RAB5A: variants seen among roughly 807,000 people sequenced by gnomAD.
RAB5A encodes the protein RAB5A, member RAS oncogene family.
In RAB5A, 8 loss-of-function variants were observed where a neutral mutation model predicts 25.7. The observed-to-expected ratio is 0.31, with a 90% CI of 0.18 to 0.56. The LOEUF (loss-of-function observed/expected upper bound fraction) is 0.56. Ranked by LOEUF, RAB5A falls within the 20% of genes least tolerant of loss-of-function variation. RAB5A has a pLI of 0.91. For synonymous variants in RAB5A, 98 were observed against 89.8 expected (o/e 1.09, Z -0.52); for missense variants, 192 against 259.7 (o/e 0.74, Z 1.79).
At chr3:19,948,561 A>C (rs1696369281) in intron 1 of RAB5A, among the ~76,000 whole-genome samples, 1 of 152,258 alleles carries the variant, frequency 6.6e-6, no homozygotes, top group South Asian at 2.1e-4. Flanking sequence ...CTTGTTTTGC[A>C]AAACAGAAGT....
At chr3:19,968,454 A>G (rs1332738750) in intron 2 of RAB5A, among the ~76,000 whole-genome samples, 2 of 152,008 alleles carry the variant, frequency 1.3e-5, no homozygotes, top group Admixed American at 6.6e-5. Flanking sequence ...TTCTTTCCCC[A>G]CAAGTTACTT....
chr3:19,953,038 A>T (rs2125178724), intron 2 of RAB5A, among the ~76,000 whole-genome samples: 1 of 152,140 alleles, frequency 6.6e-6, no homozygotes, highest in East Asian at 1.9e-4. Flanking sequence ...ACTATATGCT[A>T]CTCTTCTCCT....
chr3:19,951,865 A>AG (rs1465269835), intron 2 of RAB5A, among the ~76,000 whole-genome samples: 1 of 152,002 alleles, frequency 6.6e-6, no homozygotes, highest in East Asian at 1.9e-4. Flanking sequence ...CTGAGGGAAG[A>AG]GAAAAAGTGA....
intron 5 of RAB5A, among the ~76,000 whole-genome samples, chr3:19,980,333 A>G (rs537855163): frequency 1.3e-5 from 2 of 152,310 alleles, no homozygotes; most frequent in East Asian, 1.9e-4. Flanking sequence ...AAAGCAGCCT[A>G]CATATTTTAG....
chr3:19,960,361 C>T (rs536481011), intron 2 of RAB5A, among the ~76,000 whole-genome samples: 4 of 151,990 alleles, frequency 2.6e-5, no homozygotes, highest in Non-Finnish European at 4.4e-5. Context: ...AGTGCAGTGG[C>T]ATGATCATGG....
intron 2 of RAB5A, among the ~76,000 whole-genome samples, chr3:19,973,419 G>GA (rs1345563689): frequency 7.2e-6 from 1 of 139,090 alleles, no homozygotes; most frequent in South Asian, 2.4e-4. Context: ...AACTATACTT[G>GA]AAAAAAGGCT....
At chr3:19,980,902 T>A (rs1326320914) in intron 5 of RAB5A, among the ~76,000 whole-genome samples, 1 of 152,156 alleles carries the variant, frequency 6.6e-6, no homozygotes, top group Non-Finnish European at 1.5e-5. Flanking sequence ...CTAAAAATGA[T>A]TGATGCTGAT....
intron 5 of RAB5A, among the ~76,000 whole-genome samples, chr3:19,983,345 C>CCAA (rs1696967820): frequency 1.1e-5 from 1 of 92,120 alleles, no homozygotes; most frequent in African/African-American, 4.1e-5. Context: ...GACTACATCT[C>CCAA]AAAAAAAAAA....
chr3:19,973,807 G>A (rs139564484), intron 2 of RAB5A, among the ~76,000 whole-genome samples: 2 of 152,124 alleles, frequency 1.3e-5, no homozygotes, highest in African/African-American at 4.8e-5. Flanking sequence ...TAACCTAAAA[G>A]AGCGTGAAAA....
chr3:19,956,487 TTAAG>T (rs1696504306), intron 2 of RAB5A, among the ~76,000 whole-genome samples: 1 of 152,202 alleles, frequency 6.6e-6, no homozygotes, highest in South Asian at 2.1e-4. Context: ...TTATTAACTC[TTAAG>T]TGAAGTGCTG....
chr3:19,982,078 C>T (rs1696939594), intron 5 of RAB5A, among the ~76,000 whole-genome samples: 2 of 150,710 alleles, frequency 1.3e-5, no homozygotes, highest in Non-Finnish European at 3.0e-5. Context: ...CCTATCTCTA[C>T]CAAAAAAAAA....
At chr3:19,981,064 A>T (rs776969931) in intron 5 of RAB5A, among the ~76,000 whole-genome samples, 3 of 152,204 alleles carry the variant, frequency 2.0e-5, no homozygotes, top group Non-Finnish European at 4.4e-5. Flanking sequence ...TGTCCCCAAG[A>T]TTGATAGAGA....
At chr3:19,960,334 G>A (rs1466613003) in intron 2 of RAB5A, among the ~76,000 whole-genome samples, 3 of 151,970 alleles carry the variant, frequency 2.0e-5, no homozygotes, top group East Asian at 1.9e-4. Context: ...ATGGGGTCTC[G>A]CTCTGTGCTA....
At chr3:19,949,834 C>T (rs1318239298) in intron 1 of RAB5A, among the ~76,000 whole-genome samples, 1 of 152,034 alleles carries the variant, frequency 6.6e-6, no homozygotes, top group African/African-American at 2.4e-5. Flanking sequence ...TGCTTGAGCC[C>T]GAGAGTTCAG....
chr3:19,967,626 G>T (rs927922556), intron 2 of RAB5A, among the ~76,000 whole-genome samples: 1 of 152,046 alleles, frequency 6.6e-6, no homozygotes, highest in Non-Finnish European at 1.5e-5. Flanking sequence ...CTGTCTTTCT[G>T]TATGCTATCT....
intron 2 of RAB5A, among the ~76,000 whole-genome samples, chr3:19,964,199 T>C (rs1575071357): frequency 6.9e-6 from 1 of 144,534 alleles, no homozygotes; most frequent in Non-Finnish European, 1.5e-5. Context: ...TTCAGTAAAG[T>C]ATCTGTTGCC....
intron 2 of RAB5A, among the ~76,000 whole-genome samples, chr3:19,974,980 C>T (rs923609489): frequency 6.6e-6 from 1 of 152,158 alleles, no homozygotes; most frequent in African/African-American, 2.4e-5. Flanking sequence ...CATCCCAGCA[C>T]TTTGGGAGGC....
intron 2 of RAB5A, among the ~76,000 whole-genome samples, chr3:19,958,163 TTG>T (rs978932415): frequency 2.6e-5 from 4 of 152,180 alleles, no homozygotes; most frequent in Non-Finnish European, 4.4e-5. Flanking sequence ...GTGAGAAAAA[TTG>T]TGTGTTTGAA....
intron 2 of RAB5A, among the ~76,000 whole-genome samples, chr3:19,966,393 T>A (rs1402547410): frequency 6.6e-6 from 1 of 152,268 alleles, no homozygotes; most frequent in Non-Finnish European, 1.5e-5. Flanking sequence ...CTTTTTAGGC[T>A]GGATAATATT....
Sources: gnomAD v4.1 joint callset for allele counts (sites outside exome capture counted in the v4.1 genomes callset) on GRCh38, gnomAD v4.1.1 for gene constraint, MANE v1.5 for transcripts, NCBI Gene and HGNC (gene_info 2026-07-23, HGNC 2026-07-21) for gene names.